IL1RAPL2: variants seen among roughly 807,000 people sequenced by gnomAD.
IL1RAPL2 encodes the protein interleukin 1 receptor accessory protein like 2, also known as X-linked interleukin-1 receptor accessory protein-like 2.
A neutral mutation model predicts 44.1 loss-of-function variants in IL1RAPL2; 3 were observed. The observed-to-expected ratio is 0.07, with a 90% CI of 0.03 to 0.18. The LOEUF is 0.18. IL1RAPL2 is among the 10% of genes least tolerant of loss of function. The pLI is 1.00. For synonymous variants in IL1RAPL2, 181 were observed against 178.8 expected (o/e 1.01, Z -0.10); for missense variants, 391 against 496.4 (o/e 0.79, Z 2.02).
chrX:104,810,126 A>T (rs1932962724), intron 2 of IL1RAPL2, among the ~76,000 whole-genome samples: 1 of 110,078 alleles, frequency 9.1e-6, no homozygotes, highest in Non-Finnish European at 1.9e-5. Context: ...GACATGGATG[A>T]AATTGGAAAT....
chrX:104,834,666 G>A (rs1418955073), intron 2 of IL1RAPL2, among the ~76,000 whole-genome samples: 1 of 111,955 alleles, frequency 8.9e-6, no homozygotes. Context: ...GCAAAGAGTT[G>A]GTAGAATTTC....
intron 2 of IL1RAPL2, among the ~76,000 whole-genome samples, chrX:105,024,361 C>A: frequency 9.0e-6 from 1 of 111,584 alleles, no homozygotes; most frequent in Non-Finnish European, 1.9e-5. Flanking sequence ...ACAGTCCTTT[C>A]ATCTTCCAGG....
intron 6 of IL1RAPL2, chrX:105,676,196 C>T (rs901073504): frequency 1.8e-5 from 2 of 111,576 alleles, no homozygotes; most frequent in Non-Finnish European, 1.9e-5. Context: ...GCTTCTAAAA[C>T]GATTTTTAAA....
intron 2 of IL1RAPL2, among the ~76,000 whole-genome samples, chrX:105,131,598 T>A (rs1489193197): frequency 3.6e-5 from 4 of 109,905 alleles, no homozygotes; most frequent in Admixed American, 2.9e-4. Context: ...TCAATGGCCA[T>A]AATTTGCTGA....
At chrX:105,505,931 G>T (rs2036428042) in intron 6 of IL1RAPL2, among the ~76,000 whole-genome samples, 1 of 111,548 alleles carries the variant, frequency 9.0e-6, no homozygotes, top group Admixed American at 9.6e-5. Flanking sequence ...AGGTATTGGT[G>T]GAGATGGAAA....
At chrX:104,987,039 C>T (rs2030574931) in intron 2 of IL1RAPL2, among the ~76,000 whole-genome samples, 1 of 112,179 alleles carries the variant, frequency 8.9e-6, no homozygotes, top group African/African-American at 3.2e-5. Context: ...CAAATCAGCA[C>T]CACTTGAATA....
intron 2 of IL1RAPL2, among the ~76,000 whole-genome samples, chrX:105,027,591 G>C (rs1244310741): frequency 3.6e-5 from 4 of 111,669 alleles, no homozygotes; most frequent in Non-Finnish European, 3.8e-5. Flanking sequence ...CAACATCATT[G>C]ATCATCAGAG....
chrX:105,396,148 G>T (rs1185179832), intron 5 of IL1RAPL2, among the ~76,000 whole-genome samples: 1 of 110,597 alleles, frequency 9.0e-6, no homozygotes, highest in Admixed American at 9.6e-5. Flanking sequence ...GATAATAAAA[G>T]ACATAGAGGA....
intron 5 of IL1RAPL2, among the ~76,000 whole-genome samples, chrX:105,339,880 G>A (rs770263951): frequency 7.2e-5 from 8 of 111,860 alleles, no homozygotes; most frequent in Non-Finnish European, 1.5e-4. Context: ...CTGGGCACAG[G>A]AAATAAAGGA....
At chrX:104,731,737 A>G (rs1931923962) in intron 2 of IL1RAPL2, among the ~76,000 whole-genome samples, 1 of 111,947 alleles carries the variant, frequency 8.9e-6, no homozygotes, top group Non-Finnish European at 1.9e-5. Context: ...ACTTTCAGTA[A>G]TCAATATGCA....
In IL1RAPL2 at chrX:105,559,305, T is replaced by G. The variant is rs978665438; in HGVS notation, c.772+74918T>G. Among the ~76,000 whole-genome samples the G allele has an allele frequency of 1.3e-4, 14 of 111,995 alleles. No homozygotes were observed. The Admixed American group carries it at 1.3e-3, about 11-fold the overall frequency. On this transcript the variant is annotated intron_variant, in intron 6 of 10. Transcript: ENST00000372582. ...TTTTTAATCAGAAAGCCATCTCTATTGCTAAACAAACAAAAACATACAATA... is the reference window on the plus strand; with the variant it reads ...TTTTTAATCAGAAAGCCATCTCTATGGCTAAACAAACAAAAACATACAATA...
At chrX:105,047,894 CCTT>C (rs2031862460) in intron 2 of IL1RAPL2, among the ~76,000 whole-genome samples, 1 of 111,491 alleles carries the variant, frequency 9.0e-6, no homozygotes, top group Admixed American at 9.6e-5. Flanking sequence ...AAAAGAAACT[CCTT>C]CTGGGAGTCA....
At chrX:105,358,511 A>T (rs763717054) in intron 5 of IL1RAPL2, among the ~76,000 whole-genome samples, 6 of 109,182 alleles carry the variant, frequency 5.5e-5, no homozygotes, top group Non-Finnish European at 1.1e-4. Flanking sequence ...CCTTATCTCT[A>T]CAAAAAATAC....
chrX:105,291,857 A>G (rs2034615402), intron 5 of IL1RAPL2, among the ~76,000 whole-genome samples: 1 of 111,535 alleles, frequency 9.0e-6, no homozygotes, highest in Non-Finnish European at 1.9e-5. Context: ...TGAACTGCAC[A>G]GGTCCAGGTA....
chrX:104,647,742 T>C, intron 1 of IL1RAPL2: 1 of 540,925 alleles, frequency 1.8e-6, no homozygotes, highest in Non-Finnish European at 3.4e-6. Flanking sequence ...ATGTTGACAT[T>C]CTGTAAGTCT....
intron 6 of IL1RAPL2, among the ~76,000 whole-genome samples, chrX:105,581,903 T>C (rs777084331): frequency 9.0e-6 from 1 of 111,409 alleles, no homozygotes; most frequent in South Asian, 3.7e-4. Flanking sequence ...TTTATTTGAT[T>C]TGGGTTAAGA....
chrX:105,220,130 C>T, intron 3 of IL1RAPL2: 2 of 1,211,827 alleles, frequency 1.7e-6, no homozygotes, highest in Non-Finnish European at 2.2e-6. Context: ...AGCCACCGCA[C>T]CCTGTGCCTT....
intron 6 of IL1RAPL2, among the ~76,000 whole-genome samples, chrX:105,602,005 G>A (rs1384969469): frequency 1.8e-5 from 2 of 111,481 alleles, no homozygotes; most frequent in Non-Finnish European, 3.8e-5. Context: ...GGGCTTGCCT[G>A]CCAGGTGCCT....
At chrX:104,834,021 C>T (rs970486473) in intron 2 of IL1RAPL2, among the ~76,000 whole-genome samples, 1 of 111,277 alleles carries the variant, frequency 9.0e-6, no homozygotes, top group Non-Finnish European at 1.9e-5. Flanking sequence ...TTTGCTAACC[C>T]AAACAAAGGA....
Sources: allele counts gnomAD v4.1 joint callset (sites outside exome capture counted in the v4.1 genomes callset), GRCh38; gene constraint gnomAD v4.1.1; transcripts MANE v1.5; gene names NCBI Gene and HGNC (gene_info 2026-07-23, HGNC 2026-07-21).